Variants in GRIN2C observed in about 807,000 individuals in gnomAD.
GRIN2C encodes glutamate receptor ionotropic, NMDA 2C.
GRIN2C carries 64 observed loss-of-function variants against 77.7 expected under a neutral mutation model. The ratio of observed to expected loss-of-function variants is 0.82; its 90% CI spans 0.67 to 1.01. The LOEUF (loss-of-function observed/expected upper bound fraction) is 1.01, where lower values mean the gene tolerates loss of function less well. GRIN2C is among the 50% of genes least tolerant of loss of function. GRIN2C has a pLI of 0.00. For missense variants in GRIN2C, 1,549 were observed against 1,486.0 expected, an observed-to-expected ratio of 1.04 and a Z score of -0.70; for synonymous variants, 792 against 643.4, an observed-to-expected ratio of 1.23 and a Z score of -3.49.
chr17:74,850,443 T>G lies in GRIN2C; in HGVS notation c.1326-72A>C. ...GGCCCAGCCCCGCCCCAGCCACTCC[T>G]CCAGCCTGGCACGTGGACCCCTGCC... On this transcript the variant is annotated intron_variant, in intron 5 of 12. Coordinates refer to ENST00000293190, the MANE Select transcript of GRIN2C (RefSeq NM_000835.6). The surrounding 1 kb of genome is among the most constrained non-coding windows in gnomAD (Gnocchi z 5.3). The G allele has an allele frequency of 6.3e-7, 1 of 1,576,820 alleles. No homozygotes were observed. Among genetic ancestry groups the G allele is most frequent in the Non-Finnish European group, 8.7e-7 (1 of 1,155,598 alleles).
At position 74,842,290 on chromosome 17, in the gene GRIN2C, G is replaced by A. The variant is rs2037307142; in HGVS notation, c.*145C>T. 1.7e-6 allele frequency: 1 copy of A among 594,320 alleles called. No homozygotes were observed. Among genetic ancestry groups the A allele is most frequent in the African/African-American group, 1.9e-5 (1 of 53,172 alleles). 36.8% of individuals were successfully genotyped at this position (594,320 alleles called of 1,614,324 possible). On this transcript the variant is annotated 3_prime_UTR_variant, in exon 13 of 13. Transcript: ENST00000293190. ...ATTTGAGGCTACTGAGGTCACTGATGACCATGGAAGACATCATCTGTCACT... is the reference window on the plus strand; with the variant it reads ...ATTTGAGGCTACTGAGGTCACTGATAACCATGGAAGACATCATCTGTCACT...
At position 74,847,244 on chromosome 17, in the gene GRIN2C, C is replaced by G; in HGVS notation, c.2001+64G>C. 1 of 1,085,784 alleles carries G rather than the reference C, an allele frequency of 9.2e-7. No individual in the cohort carries two copies. Among genetic ancestry groups the G allele is most frequent in the Non-Finnish European group, 1.4e-6 (1 of 719,916 alleles). 67.3% of individuals were successfully genotyped at this position (1,085,784 alleles called of 1,614,324 possible). ...CCAGACTCGACTGTCCAGGGCCTGC[C>G]CACTCACGGCCTGTCCCCACCCTCA... On this transcript the variant is annotated intron_variant, in intron 9 of 12. Transcript: ENST00000293190. The surrounding 1 kb of genome is among the most constrained non-coding windows in gnomAD (Gnocchi z 5.2).
chr17:74,852,716 C>T (rs933149559), intron 2 of GRIN2C, 105 bp from the exon 3 acceptor site: 2 of 528,762 alleles, frequency 3.8e-6, no homozygotes, highest in Non-Finnish European at 6.3e-6. Flanking sequence ...CTTGCGCCGG[C>T]GGATGCTCCG....
At position 74,846,797 on chromosome 17, in the gene GRIN2C, G is replaced by C. The variant is rs376499283; in HGVS notation, c.2125C>G (p.Arg709Gly). 1 of 1,614,002 alleles carries C rather than the reference G, an allele frequency of 6.2e-7. No individual in the cohort carries two copies. The highest frequency in any genetic ancestry group is 8.5e-7 in the Non-Finnish European group (1 of 1,180,010). Residue 709 changes from arginine to glycine, a missense_variant, in exon 10 of 13, where the codon CGC becomes GGC. Around this residue, in one of 3 missense-constraint regions of GRIN2C, gnomAD observed 717 missense variants for 858.1 expected, o/e 0.84. Coordinates refer to ENST00000293190, the MANE Select transcript of GRIN2C (RefSeq NM_000835.6). The surrounding 1 kb of genome is among the most constrained non-coding windows in gnomAD (Gnocchi z 4.4). ...MHTHMVKFNQRSVEDALTSLK... is the reference protein window; with the variant it reads ...MHTHMVKFNQGSVEDALTSLK... ...CTGGTGAGCGCGTCCTCCACCGAGC[G>C]CTGGTTGAACTTGACCATGTGGGTG...
Position 74,854,689 on chromosome 17 carries a change from T to G in GRIN2C, c.399+5A>C, listed in dbSNP as rs755895481. On this transcript the variant is annotated splice_donor_5th_base_variant and intron_variant, in intron 2 of 12. Transcript: ENST00000293190. ...GCACGAGGGGACATGAGTTTGGACA[T>G]GCACCTTGGGGGTGAGGACCACAGC... 16 of 1,601,264 alleles carry G rather than the reference T, an allele frequency of 1.0e-5. No homozygotes were observed. In the African/African-American group the frequency reaches 1.2e-4, roughly 12 times the overall value.
Position 74,847,523 on chromosome 17 carries a change from C to T in GRIN2C, c.1786G>A (p.Ala596Thr), listed in dbSNP as rs745647782. ...CACACGGACTTGCCGATAGTGAAAGCTGGGCCCCCGGACTCTGGGGGCAAG... is the reference window on the plus strand; with the variant it reads ...CACACGGACTTGCCGATAGTGAAAGTTGGGCCCCCGGACTCTGGGGGCAAG... ...LTRGKKSGGP[A>T]FTIGKSVWLL... The change falls in exon 9 of 13, where the codon GCT (alanine) becomes ACT (threonine). Residue 596 changes from alanine (A) to threonine (T), a missense_variant. By Grantham distance (58) the Ala-to-Thr change is moderately conservative. Transcript: ENST00000293190. This position sits in a 1 kb window ranked among gnomAD's most constrained non-coding sequence, Gnocchi z 5.2. The T allele has an allele frequency of 3.6e-5, 58 of 1,613,076 alleles. No individual in the cohort carries two copies. Among genetic ancestry groups the T allele is most frequent in the Non-Finnish European group, 4.6e-5 (54 of 1,179,498 alleles).
rs1334862730 is a variant in GRIN2C at position 74,852,197 on chromosome 17, C to G, written c.814G>C (p.Gly272Arg). The G allele has an allele frequency of 1.4e-6, 2 of 1,453,360 alleles. No homozygotes were observed. The highest frequency in any genetic ancestry group is 1.8e-6 in the Non-Finnish European group (2 of 1,105,458). 90.0% of individuals were successfully genotyped at this position (1,453,360 alleles called of 1,614,324 possible). The stretch of plus-strand genomic sequence containing the variant: ...CTCTCGGTGACGACGCTGATGAGGC[C>G]CACGGGGAAGGTGGCGGGGGGCGCA... ...TDAPPATFPV[G>R]LISVVTESWR... Residue 272 changes from glycine (G) to arginine (R), a missense_variant, in exon 3 of 13, where the codon GGC becomes CGC. This residue lies in a region of GRIN2C where 717 missense variants were observed against 858.1 expected (regional missense o/e 0.84). Transcript: ENST00000293190.
At position 74,846,501 on chromosome 17, in the gene GRIN2C, G is replaced by T. The variant is rs923070694; in HGVS notation, c.2163-248C>A. On this transcript the variant is annotated intron_variant, in intron 10 of 12. Coordinates refer to ENST00000293190, the MANE Select transcript of GRIN2C (RefSeq NM_000835.6). The surrounding 1 kb of genome is among the most constrained non-coding windows in gnomAD (Gnocchi z 4.4). The stretch of plus-strand genomic sequence containing the variant: ...ACCACCCTTTCTGCCCACCCTCTCC[G>T]TGCTCCTAAGACTCAGAGAAGGTCC... Among the ~76,000 whole-genome samples the T allele has an allele frequency of 6.6e-6, 1 of 152,180 alleles. No homozygotes were observed. The highest frequency in any genetic ancestry group is 1.5e-5 in the Non-Finnish European group (1 of 68,040).
intron 7 of GRIN2C, among the ~76,000 whole-genome samples, chr17:74,848,480 G>A (rs912092680): frequency 2.8e-4 from 42 of 152,186 alleles, no homozygotes; most frequent in Non-Finnish European, 5.6e-4. Context: ...TTGGGAGGAC[G>A]AGACGGGCGG....
chr17:74,842,861 C>G lies in GRIN2C; in HGVS notation c.3276G>C (p.Arg1092=). ...LPSSVAEAFA[R]PSSLPAGCTG... ...TGCACCCAGCGGGCAGCGAGCTGGG[C>G]CGAGCGAAGGCCTCGGCCACGGAGC... The change falls in exon 13 of 13, where the codon CGG becomes CGC. Residue 1092 remains arginine (R), a synonymous_variant. Transcript: ENST00000293190. 1.8e-6 allele frequency: 1 copy of G among 567,086 alleles called. No homozygotes were observed. The highest frequency in any genetic ancestry group is 3.0e-6 in the Non-Finnish European group (1 of 328,372). 35.1% of individuals were successfully genotyped at this position (567,086 alleles called of 1,614,324 possible).
rs1038870393 is a variant in GRIN2C at position 74,852,359 on chromosome 17, G to C, written c.652C>G (p.Gln218Glu). ...PRARTQRLLR[Q>E]LDAPVFVAYC... is the part of the protein sequence containing the mutation. ...GCCACAAACACGGGCGCGTCGAGCT[G>C]GCGCAGCAGGCGCTGCGTGCGCGCG... The change falls in exon 3 of 13, where the codon CAG becomes GAG. Residue 218 changes from glutamine to glutamate, a missense_variant. Coordinates refer to ENST00000293190, the MANE Select transcript of GRIN2C (RefSeq NM_000835.6). 1.4e-6 allele frequency: 2 copies of C among 1,450,148 alleles called. No homozygotes were observed. The highest frequency in any genetic ancestry group is 3.0e-5 in the African/African-American group (2 of 66,916). 89.8% of individuals were successfully genotyped at this position (1,450,148 alleles called of 1,614,324 possible).
At position 74,850,410 on chromosome 17, in the gene GRIN2C, T is replaced by C; in HGVS notation, c.1326-39A>G. 1 of 1,600,054 alleles carries C rather than the reference T, an allele frequency of 6.2e-7. No homozygotes were observed. The highest frequency in any genetic ancestry group is 8.5e-7 in the Non-Finnish European group (1 of 1,177,200). On this transcript the variant is annotated intron_variant, in intron 5 of 12. Transcript: ENST00000293190. The surrounding 1 kb of genome is among the most constrained non-coding windows in gnomAD (Gnocchi z 5.3). Reference sequence around the variant, plus strand: ...GCCATGAGACCACCGGGAGTCAGAGTATGTCGTGGCCCAGCCCCGCCCCAG... The same window carrying C: ...GCCATGAGACCACCGGGAGTCAGAGCATGTCGTGGCCCAGCCCCGCCCCAG...
chr17:74,842,145 A>G lies in GRIN2C; in HGVS notation c.*290T>C. The G allele has an allele frequency of 2.5e-6, 1 of 399,842 alleles. No homozygotes were observed. The highest frequency in any genetic ancestry group is 4.5e-6 in the Non-Finnish European group (1 of 223,164). The allele number at this position is 399,842 out of a possible 1,614,324, so 24.8% of individuals were successfully genotyped here. ...TCCAGCCTCCATGCCCACAGCAGCC[A>G]TGACCAGTAACTGGCTAGCCCCAGG... On this transcript the variant is annotated 3_prime_UTR_variant, in exon 13 of 13. Transcript: ENST00000293190.
rs201036574 is a variant in GRIN2C at position 74,854,901 on chromosome 17, C to T, written c.192G>A (p.Pro64=). Residue 64 remains proline (P), a synonymous_variant, in exon 2 of 13, where the codon CCG becomes CCA. Coordinates refer to ENST00000293190, the MANE Select transcript of GRIN2C (RefSeq NM_000835.6). The stretch of plus-strand genomic sequence containing the variant: ...TGGTGGTGTTGACCCCAACTGTGAG[C>T]GGCTGGATCTCCAGGGGTAGGTCCA... The part of the protein sequence containing the change: ...SFLDLPLEIQ[P]LTVGVNTTNP... 8.3e-5 allele frequency: 134 copies of T among 1,612,690 alleles called. No individual in the cohort carries two copies. The East Asian group carries it at 1.6e-3, about 19-fold the overall frequency.
At position 74,852,625 on chromosome 17, in the gene GRIN2C, G is replaced by A. The variant is rs1286252338; in HGVS notation, c.400-14C>T. 5 of 1,103,532 alleles carry A rather than the reference G, an allele frequency of 4.5e-6. No homozygotes were observed. The highest frequency in any genetic ancestry group is 4.1e-5 in the South Asian group (2 of 48,384). The allele number at this position is 1,103,532 out of a possible 1,614,324, so 68.4% of individuals were successfully genotyped here. A position where few individuals can be genotyped will look rare whatever the true frequency, so the allele number is the denominator to read the frequency against. On this transcript the variant is annotated splice_polypyrimidine_tract_variant and intron_variant, in intron 2 of 12. Coordinates refer to ENST00000293190, the MANE Select transcript of GRIN2C (RefSeq NM_000835.6). ...GGAGCCCGGCTCCTGGGGGCGGGCG[G>A]GGCCTGAGCGGGGCGGGAGGGCCGA...
At chr17:74,853,746 T>G (rs1321859556) in intron 2 of GRIN2C, 3 of 152,100 alleles carry the variant, frequency 2.0e-5, no homozygotes, top group African/African-American at 7.2e-5. Context: ...ATACTCAAAA[T>G]TCTTCATATA....
intron 11 of GRIN2C, among the ~76,000 whole-genome samples, chr17:74,845,320 A>G (rs888206433): frequency 1.4e-5 from 2 of 145,448 alleles, no homozygotes; most frequent in Admixed American, 7.1e-5. Flanking sequence ...GCTGGAGTGC[A>G]GTGGCACAAT....
chr17:74,852,029 G>T lies in GRIN2C; in HGVS notation c.982C>A (p.Arg328=), dbSNP rs772811223. 5 of 1,464,448 alleles carry T rather than the reference G, an allele frequency of 3.4e-6. No homozygotes were observed. The East Asian group carries it at 7.6e-5, about 22-fold the overall frequency. The allele number at this position is 1,464,448 out of a possible 1,614,324, so 90.7% of individuals were successfully genotyped here. A position where few individuals can be genotyped will look rare whatever the true frequency, so the allele number is the denominator to read the frequency against. Residue 328 remains arginine (R), a synonymous_variant, in exon 3 of 13, where the codon CGG becomes AGG. Coordinates refer to ENST00000293190, the MANE Select transcript of GRIN2C (RefSeq NM_000835.6). ...GGTGCCCACCTGTAGAAGGCCTCCC[G>T]GGCAGGGCTGACGGGCCCAGGGTGA... ...RVHPGPVSPA[R]EAFYRHLLNV... is the part of the protein sequence containing the mutation.
chr17:74,850,603 A>G lies in GRIN2C; in HGVS notation c.1278T>C (p.Cys426=), dbSNP rs367672924. 1.2e-6 allele frequency: 2 copies of G among 1,613,554 alleles called. No individual in the cohort carries two copies. Among genetic ancestry groups the G allele is most frequent in the Non-Finnish European group, 1.7e-6 (2 of 1,180,000 alleles). ...VESPDPGTGG[C]VPNTVPCRRQ... Reference sequence around the variant, plus strand: ...TGCGGCAGGGCACGGTGTTGGGGACACAGCCTCCTGTGCCAGGGTCAGGGC... The same window carrying G: ...TGCGGCAGGGCACGGTGTTGGGGACGCAGCCTCCTGTGCCAGGGTCAGGGC... Residue 426 remains cysteine (C), a synonymous_variant, in exon 5 of 13, where the codon TGT becomes TGC. Transcript: ENST00000293190. This position sits in a 1 kb window ranked among gnomAD's most constrained non-coding sequence, Gnocchi z 5.3.
Sources: gnomAD v4.1 joint callset for allele counts (sites outside exome capture counted in the v4.1 genomes callset) on GRCh38, gnomAD v4.1.1 for gene constraint, gnomAD v4.1.1 regional missense constraint, Gnocchi (gnomAD v3.1) non-coding constraint, MANE v1.5 for transcripts, NCBI Gene and HGNC (gene_info 2026-07-23, HGNC 2026-07-21) for gene names.